KLKB1: variants seen among roughly 807,000 people sequenced by gnomAD.
KLKB1 encodes plasma kallikrein.
A neutral mutation model predicts 73.6 loss-of-function variants in KLKB1; 58 were observed. The observed-to-expected ratio is 0.79, with a 90% confidence interval of 0.64 to 0.98. The LOEUF (loss-of-function observed/expected upper bound fraction) is 0.98. Among genes scored for constraint, KLKB1 ranks in the 50% least tolerant of loss-of-function variants. KLKB1 has a pLI of 0.00. For synonymous variants in KLKB1, 280 were observed against 258.1 expected (o/e 1.08, Z -0.81); for missense variants, 737 against 763.8 (o/e 0.96, Z 0.41).
At chr4:186,230,863 A>T (rs913334840) in intron 2 of KLKB1, among the ~76,000 whole-genome samples, 3 of 152,204 alleles carry the variant, frequency 2.0e-5, no homozygotes, top group African/African-American at 7.2e-5. Context: ...CCTTTTTGTA[A>T]CTAGTATTGT....
At chr4:186,237,041 G>A in intron 5 of KLKB1, 101 bp downstream of exon 5, 2 of 1,125,638 alleles carry the variant, frequency 1.8e-6, no homozygotes, top group Non-Finnish European at 2.7e-6. Flanking sequence ...ACCAAACAGG[G>A]CTTTTATTCT....
chr4:186,253,381 C>T (rs182705695), intron 11 of KLKB1, among the ~76,000 whole-genome samples: 2 of 152,158 alleles, frequency 1.3e-5, no homozygotes, highest in Admixed American at 6.5e-5. Context: ...GTGGGTGGAG[C>T]AAGACCCCTC....
At chr4:186,239,203 G>T (rs1737874240) in intron 6 of KLKB1, among the ~76,000 whole-genome samples, 3 of 135,324 alleles carry the variant, frequency 2.2e-5, no homozygotes, top group Admixed American at 1.4e-4. Context: ...TATAGTTATA[G>T]GAAACTAGTA....
chr4:186,251,876 T>C lies in KLKB1; in HGVS notation c.1144+15T>C, dbSNP rs148399602. The C allele has an allele frequency of 2.9e-4, 466 of 1,605,792 alleles. 2 individuals carry two copies. In the African/African-American group the frequency reaches 5.4e-3, roughly 19 times the overall value. ...GGACAACTCTGGTGAGTAACCTCAC[T>C]TTTTCGTGGACCTGTCAGGGATGTC... is the stretch of plus-strand genomic sequence containing the variant. On this transcript the variant is annotated intron_variant, in intron 10 of 14. Coordinates refer to ENST00000264690, the MANE Select transcript of KLKB1 (RefSeq NM_000892.5).
intron 13 of KLKB1, among the ~76,000 whole-genome samples, chr4:186,256,447 G>T (rs1049399900): frequency 2.0e-5 from 3 of 152,150 alleles, no homozygotes; most frequent in African/African-American, 7.2e-5. Context: ...GCTAATGGCC[G>T]GGAGCACAGG....
At chr4:186,247,332 TA>T (rs1324075417) in intron 6 of KLKB1, among the ~76,000 whole-genome samples, 10 of 150,330 alleles carry the variant, frequency 6.7e-5, no homozygotes, top group Non-Finnish European at 7.4e-5. Context: ...TGAAGGGAGA[TA>T]GGGGTGGGGA....
intron 3 of KLKB1, 129 bp downstream of exon 3, chr4:186,232,418 G>A (rs191278439): frequency 9.6e-6 from 8 of 830,622 alleles, no homozygotes; most frequent in East Asian, 2.6e-5. Flanking sequence ...GCAAAATCCC[G>A]TCAAGTGGTT....
intron 6 of KLKB1, among the ~76,000 whole-genome samples, chr4:186,243,612 T>C (rs1455998823): frequency 6.6e-6 from 1 of 151,418 alleles, no homozygotes; most frequent in African/African-American, 2.4e-5. Context: ...TTGAGAGGAG[T>C]TTTTATTAAA....
At chr4:186,235,085 G>A (rs931331105) in intron 4 of KLKB1, among the ~76,000 whole-genome samples, 3 of 152,124 alleles carry the variant, frequency 2.0e-5, no homozygotes, top group Admixed American at 2.0e-4. Context: ...TCAAAGGATG[G>A]CAATGCCTTC....
chr4:186,242,701 G>A (rs1738117367), intron 6 of KLKB1, among the ~76,000 whole-genome samples: 3 of 152,168 alleles, frequency 2.0e-5, no homozygotes, highest in Admixed American at 6.5e-5. Context: ...GAGTGCCTAA[G>A]GGGGTTCAGT....
chr4:186,223,966 C>T (rs891319829), upstream of KLKB1, among the ~76,000 whole-genome samples: 6 of 152,202 alleles, frequency 3.9e-5, no homozygotes, highest in African/African-American at 1.4e-4. Flanking sequence ...TCTGTGCAGC[C>T]TTGGGACTTG....
Position 186,245,881 on chromosome 4 carries a change from G to T in KLKB1, c.599-4362G>T, listed in dbSNP as rs567022128. ...GTGATAAAATGCATATTGAGAATAAGAGGCCTTCTGACCCTTCTGGGTCTA... is the reference window on the plus strand; with the variant it reads ...GTGATAAAATGCATATTGAGAATAATAGGCCTTCTGACCCTTCTGGGTCTA... On this transcript the variant is annotated intron_variant, in intron 6 of 14. Transcript: ENST00000264690. Among the ~76,000 whole-genome samples the T allele has an allele frequency of 2.8e-5, 4 of 143,162 alleles. No individual in the cohort carries two copies. The South Asian group carries it at 8.8e-4, about 31-fold the overall frequency. The allele number at this position is 143,162 out of a possible 152,430, so 93.9% of individuals were successfully genotyped here.
intron 4 of KLKB1, among the ~76,000 whole-genome samples, chr4:186,236,027 T>G (rs184644242): frequency 0.11 from 16,302 of 146,442 alleles, 947 homozygotes; most frequent in South Asian, 0.19. Context: ...GGCAGGAGAA[T>G]GGCGTGAACC....
At chr4:186,219,423 T>A (rs1029916047) in intron 2 of KLKB1, among the ~76,000 whole-genome samples, 2 of 152,170 alleles carry the variant, frequency 1.3e-5, no homozygotes, top group African/African-American at 2.4e-5. Context: ...ACCAGAAGTG[T>A]ACCAATCCCC....
chr4:186,247,885 G>A (rs1211774330), intron 6 of KLKB1, among the ~76,000 whole-genome samples: 1 of 152,126 alleles, frequency 6.6e-6, no homozygotes, highest in African/African-American at 2.4e-5. Context: ...GTGGTTTTTA[G>A]TATATCCACC....
At chr4:186,234,605 G>A (rs926328213) in intron 4 of KLKB1, among the ~76,000 whole-genome samples, 6 of 152,182 alleles carry the variant, frequency 3.9e-5, no homozygotes, top group African/African-American at 1.4e-4. Context: ...GGCCCAAAAC[G>A]TCAACAGTGC....
upstream of KLKB1, among the ~76,000 whole-genome samples, chr4:186,223,447 G>A (rs1737073540): frequency 6.6e-6 from 1 of 152,214 alleles, no homozygotes; most frequent in Admixed American, 6.5e-5. Flanking sequence ...AGTCCAGGCT[G>A]AGATGGTCTC....
chr4:186,248,446 T>C (rs1352853558), intron 6 of KLKB1, among the ~76,000 whole-genome samples: 1 of 152,072 alleles, frequency 6.6e-6, no homozygotes, highest in Admixed American at 6.6e-5. Flanking sequence ...GCATCTGGCT[T>C]TTTTCACCTG....
At chr4:186,219,740 G>A (rs1398210550) in intron 2 of KLKB1, among the ~76,000 whole-genome samples, 2 of 152,246 alleles carry the variant, frequency 1.3e-5, no homozygotes, top group Non-Finnish European at 2.9e-5. Flanking sequence ...ACCTGGTGGA[G>A]TGACCCAAAC....
Sources: allele counts gnomAD v4.1 joint callset (sites outside exome capture counted in the v4.1 genomes callset), GRCh38; gene constraint gnomAD v4.1.1; transcripts MANE v1.5; gene names NCBI Gene and HGNC (gene_info 2026-07-23, HGNC 2026-07-21).